RPS6KC1: variants seen among roughly 807,000 people sequenced by gnomAD.
The protein encoded by RPS6KC1 is inactive ribosomal protein S6 kinase delta-1.
In RPS6KC1, 54 loss-of-function variants were observed where a neutral mutation model predicts 103.8. The observed-to-expected ratio is 0.52, with a 90% CI of 0.42 to 0.65. The LOEUF (loss-of-function observed/expected upper bound fraction) is 0.65. Ranked by LOEUF, RPS6KC1 falls within the 30% of genes least tolerant of loss-of-function variation. The pLI is 0.00. For synonymous variants in RPS6KC1, 439 were observed against 438.7 expected (o/e 1.00, Z -0.01); for missense variants, 1,151 against 1,253.8 (o/e 0.92, Z 1.24).
chr1:213,721,600 A>G, the RPS6KC1 span, among the ~76,000 whole-genome samples: 2 of 152,132 alleles, frequency 1.3e-5, no homozygotes, highest in Admixed American at 1.3e-4. Flanking sequence ...CTTTATCAGA[A>G]GCATGAAAAC....
At chr1:213,569,629 A>G in the RPS6KC1 span, among the ~76,000 whole-genome samples, 2 of 152,188 alleles carry the variant, frequency 1.3e-5, no homozygotes, top group African/African-American at 4.8e-5. Context: ...CATGTTCAGC[A>G]TATAAATTAC....
At chr1:213,437,239 A>C in the RPS6KC1 span, among the ~76,000 whole-genome samples, 16 of 151,960 alleles carry the variant, frequency 1.1e-4, no homozygotes, top group Non-Finnish European at 2.2e-4. Context: ...GATATTATTA[A>C]ATGTTTTTTC....
At chr1:213,070,185 A>G (rs2078739585) in intron 1 of RPS6KC1, among the ~76,000 whole-genome samples, 1 of 152,176 alleles carries the variant, frequency 6.6e-6, no homozygotes, top group African/African-American at 2.4e-5. Flanking sequence ...CTAATTGTAG[A>G]TTCATATACA....
chr1:213,603,230 C>A, the RPS6KC1 span, among the ~76,000 whole-genome samples: 1 of 152,230 alleles, frequency 6.6e-6, no homozygotes, highest in Non-Finnish European at 1.5e-5. Context: ...GGGCTGCTGG[C>A]CCCAGACCCT....
chr1:213,242,437 A>G, intron 11 of RPS6KC1, 132 bp from the exon 12 acceptor site: 1 of 1,109,442 alleles, frequency 9.0e-7, no homozygotes. Context: ...CCCCAGTAAT[A>G]GCTTCTAGTA....
the RPS6KC1 span, among the ~76,000 whole-genome samples, chr1:213,471,776 A>C: frequency 6.7e-6 from 1 of 149,474 alleles, no homozygotes; most frequent in African/African-American, 2.5e-5. Flanking sequence ...TATGGATACC[A>C]TTCTTTTGTG....
At chr1:213,505,003 C>G in the RPS6KC1 span, among the ~76,000 whole-genome samples, 84 of 152,212 alleles carry the variant, frequency 5.5e-4, 1 homozygote, top group South Asian at 8.7e-3. Context: ...CCCCACAACC[C>G]CCATCTATGG....
At chr1:213,608,694 C>G in the RPS6KC1 span, among the ~76,000 whole-genome samples, 1 of 152,066 alleles carries the variant, frequency 6.6e-6, no homozygotes, top group African/African-American at 2.4e-5. Context: ...TCACCAGTTA[C>G]TACTTTTGTG....
chr1:213,605,749 A>G, the RPS6KC1 span, among the ~76,000 whole-genome samples: 1 of 152,218 alleles, frequency 6.6e-6, no homozygotes, highest in East Asian at 1.9e-4. Context: ...AGGTTGGAGG[A>G]GCTGGAAGCA....
At chr1:213,362,607 A>G in the RPS6KC1 span, among the ~76,000 whole-genome samples, 2 of 152,168 alleles carry the variant, frequency 1.3e-5, no homozygotes, top group African/African-American at 4.8e-5. Flanking sequence ...GAGTAAGAAG[A>G]TTACATATAT....
At chr1:213,488,609 C>T in the RPS6KC1 span, among the ~76,000 whole-genome samples, 2 of 152,148 alleles carry the variant, frequency 1.3e-5, no homozygotes, top group East Asian at 1.9e-4. Flanking sequence ...GACCCTAAAC[C>T]CCAGGGAACT....
At chr1:213,652,761 G>A in the RPS6KC1 span, among the ~76,000 whole-genome samples, 2 of 152,140 alleles carry the variant, frequency 1.3e-5, no homozygotes, top group African/African-American at 2.4e-5. Context: ...CCAGATGTGC[G>A]AGTGCAGCCA....
the RPS6KC1 span, among the ~76,000 whole-genome samples, chr1:213,685,402 G>T: frequency 1.3e-5 from 2 of 152,126 alleles, no homozygotes; most frequent in Non-Finnish European, 2.9e-5. Flanking sequence ...AGGCTGAGGC[G>T]AGAGGATCAC....
chr1:213,239,764 C>G (rs2094309077), intron 10 of RPS6KC1, among the ~76,000 whole-genome samples: 1 of 152,096 alleles, frequency 6.6e-6, no homozygotes, highest in South Asian at 2.1e-4. Context: ...GTAGTTACTG[C>G]TTTTGAGATT....
chr1:213,128,529 A>G (rs1472205806), intron 5 of RPS6KC1, among the ~76,000 whole-genome samples: 1 of 152,168 alleles, frequency 6.6e-6, no homozygotes, highest in Admixed American at 6.6e-5. Flanking sequence ...GATCGTGCTC[A>G]TTTACCATGA....
the RPS6KC1 span, among the ~76,000 whole-genome samples, chr1:213,573,561 C>G: frequency 0.23 from 35,734 of 152,134 alleles, 4,370 homozygotes; most frequent in East Asian, 0.4. Context: ...GGAAAAACAG[C>G]CTCATCGGTT....
At chr1:213,066,088 C>T (rs986961027) in intron 1 of RPS6KC1, among the ~76,000 whole-genome samples, 4 of 152,148 alleles carry the variant, frequency 2.6e-5, no homozygotes, top group East Asian at 3.9e-4. Context: ...TAAAATTCTT[C>T]GCAAATGTAA....
the RPS6KC1 span, among the ~76,000 whole-genome samples, chr1:213,700,736 A>T: frequency 8.6e-5 from 13 of 151,906 alleles, no homozygotes; most frequent in African/African-American, 1.7e-4. Flanking sequence ...TTCTTTCATC[A>T]GTGTTTTATA....
At chr1:213,681,679 T>C in the RPS6KC1 span, among the ~76,000 whole-genome samples, 1 of 152,146 alleles carries the variant, frequency 6.6e-6, no homozygotes, top group Non-Finnish European at 1.5e-5. Context: ...ATGCCTGTAG[T>C]CCCAGCTACT....
Sources: gnomAD v4.1 joint callset for allele counts (sites outside exome capture counted in the v4.1 genomes callset) on GRCh38, gnomAD v4.1.1 for gene constraint, MANE v1.5 for transcripts, NCBI Gene and HGNC (gene_info 2026-07-23, HGNC 2026-07-21) for gene names.